MSLN: variants seen among roughly 807,000 people sequenced by gnomAD.
MSLN encodes the protein CAK1 antigen.
MSLN carries 82 observed loss-of-function variants against 72.6 expected under a neutral mutation model. The ratio of observed to expected loss-of-function variants is 1.13; its 90% CI spans 0.94 to 1.36. MSLN has a LOEUF of 1.36. Ranked by LOEUF, MSLN falls within the 40% of genes most tolerant of loss-of-function variation. MSLN has a pLI of 0.00. For synonymous variants in MSLN, 456 were observed against 387.3 expected (o/e 1.18, Z -2.08); for missense variants, 1,005 against 847.9 (o/e 1.19, Z -2.30).
chr16:760,829 C>T lies in MSLN; in HGVS notation c.-112+8C>T, dbSNP rs2151612294. On this transcript the variant is annotated splice_region_variant and intron_variant, in intron 1 of 17. Coordinates refer to ENST00000545450, the MANE Select transcript of MSLN (RefSeq NM_005823.6). Reference sequence around the variant, plus strand: ...GAGGCAGAGGAGGCTCAGGTGTGGCCAATCACCCTGCACATCAGAGTTACC... The same window carrying T: ...GAGGCAGAGGAGGCTCAGGTGTGGCTAATCACCCTGCACATCAGAGTTACC... The T allele has an allele frequency of 6.6e-6, 1 of 152,452 alleles. No individual in the cohort carries two copies. The highest frequency in any genetic ancestry group is 1.9e-4 in the East Asian group (1 of 5,174). 9.4% of individuals were successfully genotyped at this position (152,452 alleles called of 1,614,324 possible).
intron 16 of MSLN, 128 bp from the exon 17 acceptor site, chr16:768,251 C>T (rs931942233): frequency 2.1e-6 from 2 of 966,316 alleles, no homozygotes; most frequent in African/African-American, 3.3e-5. Context: ...CCGGAGACCT[C>T]CGAAGTCTGG....
chr16:765,862 T>A, intron 11 of MSLN, 72 bp downstream of exon 11: 2 of 1,451,514 alleles, frequency 1.4e-6, no homozygotes, highest in Non-Finnish European at 1.9e-6. Context: ...CACTTTAGGG[T>A]CTCACCTGCC....
In MSLN at chr16:766,501, G is replaced by A. The variant is rs1175395032; in HGVS notation, c.1230+11G>A. On this transcript the variant is annotated intron_variant, in intron 13 of 17. Transcript: ENST00000545450. ...GAAATGAGTCCTCAGGTGACCGTCCGGCTCGGGGGTCATGTGGCATGAGAT... is the reference window on the plus strand; with the variant it reads ...GAAATGAGTCCTCAGGTGACCGTCCAGCTCGGGGGTCATGTGGCATGAGAT... 14 of 1,612,470 alleles carry A rather than the reference G, an allele frequency of 8.7e-6. No individual in the cohort carries two copies. The highest frequency in any genetic ancestry group is 4.5e-5 in the East Asian group (2 of 44,870).
intron 3 of MSLN, 30 bp downstream of exon 3, chr16:762,795 TG>T: frequency 6.5e-7 from 1 of 1,533,544 alleles, no homozygotes; most frequent in Non-Finnish European, 8.8e-7. Context: ...GCTGGTGAGG[TG>T]GGGACGGCCC....
intron 4 of MSLN, 87 bp from the exon 5 acceptor site, chr16:763,555 A>G: frequency 7.6e-7 from 1 of 1,321,928 alleles, no homozygotes; most frequent in South Asian, 1.4e-5. Flanking sequence ...GAACTCGGGG[A>G]GTACCTGGCC....
intron 15 of MSLN, 139 bp from the exon 16 acceptor site, chr16:767,237 C>T (rs999303411): frequency 1.0e-4 from 113 of 1,103,126 alleles, no homozygotes; most frequent in Admixed American, 2.8e-4. Flanking sequence ...GGGGGTCAGG[C>T]GGCTAGGCAA....
chr16:763,227 C>T lies in MSLN; in HGVS notation c.86-6C>T. On this transcript the variant is annotated splice_region_variant and splice_polypyrimidine_tract_variant and intron_variant, in intron 3 of 17. Coordinates refer to ENST00000545450, the MANE Select transcript of MSLN (RefSeq NM_005823.6). ...CTCCCCCAAGCTGTCCCCTCTGCCCCTTTAGGATGGGTGCAGCCCTCGAGG... is the reference window on the plus strand; with the variant it reads ...CTCCCCCAAGCTGTCCCCTCTGCCCTTTTAGGATGGGTGCAGCCCTCGAGG... 1 of 1,539,892 alleles carries T rather than the reference C, an allele frequency of 6.5e-7. No individual in the cohort carries two copies. Among genetic ancestry groups the T allele is most frequent in the South Asian group, 1.2e-5 (1 of 82,628 alleles).
chr16:764,068 C>G lies in MSLN; in HGVS notation c.225C>G (p.Ser75=). 1 of 1,605,760 alleles carries G rather than the reference C, an allele frequency of 6.2e-7. No homozygotes were observed. Among genetic ancestry groups the G allele is most frequent in the Non-Finnish European group, 8.5e-7 (1 of 1,179,780 alleles). ...TTGGCTTCCCGTGTGCGGAGGTGTCCGGCCTGAGCACGGAGCGTGTCCGGG... is the reference window on the plus strand; with the variant it reads ...TTGGCTTCCCGTGTGCGGAGGTGTCGGGCCTGAGCACGGAGCGTGTCCGGG... ...QLLGFPCAEV[S]GLSTERVREL... is the part of the protein sequence containing the mutation. Residue 75 remains serine (S), a synonymous_variant, in exon 6 of 18, where the codon TCC becomes TCG. Transcript: ENST00000545450.
At chr16:768,625 C>CT in intron 17 of MSLN, 23 bp from the exon 18 acceptor site, 1 of 1,611,272 alleles carries the variant, frequency 6.2e-7, no homozygotes, top group Admixed American at 1.7e-5. Flanking sequence ...GGTGGGCGCT[C>CT]TGAGTCACCC....
chr16:767,311 C>T lies in MSLN; in HGVS notation c.1502-65C>T, dbSNP rs1264876511. 6.3e-6 allele frequency: 9 copies of T among 1,434,492 alleles called. No homozygotes were observed. The East Asian group carries it at 1.6e-4, about 25-fold the overall frequency. 88.9% of individuals were successfully genotyped at this position (1,434,492 alleles called of 1,614,324 possible). ...TGTAAGGCAAGTGGGCTTCCTGCAG[C>T]CTGTGGTCAAGGGCCTGGGGGTGTG... On this transcript the variant is annotated intron_variant, in intron 15 of 17. Transcript: ENST00000545450.
chr16:766,014 G>T (rs1427138387), intron 11 of MSLN, 45 bp from the exon 12 acceptor site: 1 of 1,543,286 alleles, frequency 6.5e-7, no homozygotes, highest in Non-Finnish European at 8.8e-7. Flanking sequence ...GGAAGAAGGG[G>T]TCAAACGAAC....
At position 763,629 on chromosome 16, in the gene MSLN, CCT is replaced by C; in HGVS notation, c.130-12_130-11del. ...CTGGTCTGAGCCATGTTCAGCAGGC[CCT>C]GTGTCCCCAGGAGGCTGCGCCCCTG... On this transcript the variant is annotated splice_polypyrimidine_tract_variant and intron_variant, in intron 4 of 17. Coordinates refer to ENST00000545450, the MANE Select transcript of MSLN (RefSeq NM_005823.6). The C allele has an allele frequency of 6.3e-7, 1 of 1,596,180 alleles. No individual in the cohort carries two copies. The highest frequency in any genetic ancestry group is 8.6e-7 in the Non-Finnish European group (1 of 1,168,822).
chr16:765,618 G>C lies in MSLN; in HGVS notation c.795+1G>C. Reference sequence around the variant, plus strand: ...GCCCATCATCCGCAGCATCCCGCAGGTGAGACCCCAATCCCCAGCCCGTGG... The same window carrying C: ...GCCCATCATCCGCAGCATCCCGCAGCTGAGACCCCAATCCCCAGCCCGTGG... On this transcript the variant is annotated splice_donor_variant, in intron 10 of 17. Coordinates refer to ENST00000545450, the MANE Select transcript of MSLN (RefSeq NM_005823.6). LOFTEE classifies it high-confidence loss of function. The C allele has an allele frequency of 3.7e-6, 6 of 1,602,424 alleles. No homozygotes were observed. The highest frequency in any genetic ancestry group is 5.1e-6 in the Non-Finnish European group (6 of 1,178,486).
chr16:766,474 A>T lies in MSLN; in HGVS notation c.1214A>T (p.His405Leu). The T allele has an allele frequency of 6.2e-7, 1 of 1,612,620 alleles. No homozygotes were observed. The highest frequency in any genetic ancestry group is 8.5e-7 in the Non-Finnish European group (1 of 1,179,894). Residue 405 changes from histidine to leucine, a missense_variant, in exon 13 of 18, where the codon CAC becomes CTC. Transcript: ENST00000545450. ...GCTTTGCTTGAAGTCAACAAAGGGC[A>T]CGAAATGAGTCCTCAGGTGACCGTC... ...LKALLEVNKG[H>L]EMSPQVATLI...
At chr16:767,291 GGCAAGTGGGCTTCCT>G in intron 15 of MSLN, 70 bp from the exon 16 acceptor site, 1 of 1,303,206 alleles carries the variant, frequency 7.7e-7, no homozygotes, top group Admixed American at 1.7e-5. Flanking sequence ...AGCCCTGTAA[GGCAAGTGGGCTTCCT>G]GCAGCCTGTG....
In MSLN at chr16:765,403, C is replaced by A. The variant is rs2041593247; in HGVS notation, c.704+100C>A. 70 of 1,414,398 alleles carry A rather than the reference C, an allele frequency of 4.9e-5. 1 individual carries two copies. In the South Asian group the frequency reaches 9.1e-4, roughly 18 times the overall value. 87.6% of individuals were successfully genotyped at this position (1,414,398 alleles called of 1,614,324 possible). A position where few individuals can be genotyped will look rare whatever the true frequency, so the allele number is the denominator to read the frequency against. On this transcript the variant is annotated intron_variant, in intron 9 of 17. Transcript: ENST00000545450. The stretch of plus-strand genomic sequence containing the variant: ...ATGCCTCAAGGCCCAGGGTCAGTCA[C>A]CCCCGCCACCACCCCTGCCAATGCC...
At position 765,705 on chromosome 16, in the gene MSLN, G is replaced by T; in HGVS notation, c.810G>T (p.Ala270=). The change falls in exon 11 of 18, where the codon GCG becomes GCT. Residue 270 remains alanine (A), a synonymous_variant. Transcript: ENST00000545450. ...CTCGTCCTCAGGGCATCGTGGCCGC[G>T]TGGCGGCAACGCTCCTCTCGGGACC... The part of the protein sequence containing the change: ...IRSIPQGIVA[A]WRQRSSRDPS... The T allele has an allele frequency of 6.2e-7, 1 of 1,600,964 alleles. No individual in the cohort carries two copies. The highest frequency in any genetic ancestry group is 2.2e-5 in the East Asian group (1 of 44,868).
chr16:765,431 C>CA (rs1415204167), intron 9 of MSLN, 96 bp from the exon 10 acceptor site: 5 of 1,419,840 alleles, frequency 3.5e-6, no homozygotes, highest in African/African-American at 1.4e-5. Flanking sequence ...CCAATGCCCC[C>CA]AGCGTCCCCT....
At chr16:764,168 G>A (rs1231018259) in intron 6 of MSLN, 25 bp downstream of exon 6, 1 of 1,594,432 alleles carries the variant, frequency 6.3e-7, no homozygotes, top group Non-Finnish European at 8.5e-7. Flanking sequence ...GGCTGAGGCA[G>A]GTGGGCACAG....
Sources: gnomAD v4.1 joint callset for allele counts on GRCh38, gnomAD v4.1.1 for gene constraint, MANE v1.5 for transcripts, NCBI Gene and HGNC (gene_info 2026-07-23, HGNC 2026-07-21) for gene names.